VTI1A: variants seen among roughly 807,000 people sequenced by gnomAD.
VTI1A encodes vesicle transport through interaction with t-SNAREs 1A.
A neutral mutation model predicts 34.9 loss-of-function variants in VTI1A; 22 were observed. The ratio of observed to expected loss-of-function variants is 0.63; its 90% confidence interval spans 0.45 to 0.90. The LOEUF (loss-of-function observed/expected upper bound fraction) is 0.90. VTI1A is among the 40% of genes least tolerant of loss of function. The pLI is 0.00. For missense variants in VTI1A, 268 were observed against 275.6 expected (o/e 0.97, Z 0.20); for synonymous variants, 87 against 97.3 (o/e 0.89, Z 0.62).
chr10:112,830,855 T>A, the VTI1A span, among the ~76,000 whole-genome samples: 90 of 51,064 alleles, frequency 1.8e-3, 1 homozygote, highest in East Asian at 6.1e-3. Flanking sequence ...ATATATTTTT[T>A]TTTTTTTTCT....
intron 1 of VTI1A, among the ~76,000 whole-genome samples, chr10:112,454,426 C>G (rs1847353083): frequency 6.6e-6 from 1 of 152,096 alleles, no homozygotes; most frequent in East Asian, 1.9e-4. Flanking sequence ...GAAGCCCCAT[C>G]TCTACAAAAT....
chr10:112,641,163 A>G (rs1846555425), intron 5 of VTI1A, among the ~76,000 whole-genome samples: 1 of 152,030 alleles, frequency 6.6e-6, no homozygotes, highest in Non-Finnish European at 1.5e-5. Context: ...AAAAAGCCCT[A>G]TCTGAGCAGG....
chr10:112,829,344 T>C, the VTI1A span, among the ~76,000 whole-genome samples: 1 of 151,210 alleles, frequency 6.6e-6, no homozygotes, highest in South Asian at 2.1e-4. Flanking sequence ...CTCGGGAGGC[T>C]GAGGCAGGAG....
chr10:112,487,433 A>G (rs1057185433), intron 3 of VTI1A, among the ~76,000 whole-genome samples: 6 of 152,196 alleles, frequency 3.9e-5, no homozygotes, highest in African/African-American at 1.4e-4. Context: ...CTAATCTTGC[A>G]TTTTTGAGAG....
intron 7 of VTI1A, among the ~76,000 whole-genome samples, chr10:112,794,095 T>G (rs1207757015): frequency 6.6e-6 from 1 of 152,182 alleles, no homozygotes; most frequent in African/African-American, 2.4e-5. Flanking sequence ...TACAGTTTTA[T>G]TCAAGGAAAA....
At chr10:112,844,629 C>T in the VTI1A span, among the ~76,000 whole-genome samples, 2 of 152,204 alleles carry the variant, frequency 1.3e-5, no homozygotes, top group Non-Finnish European at 2.9e-5. Context: ...GAACTCCTGA[C>T]CTCAGGTGAT....
chr10:112,573,396 G>GGTAT (rs1340148364), intron 5 of VTI1A, among the ~76,000 whole-genome samples: 2 of 151,768 alleles, frequency 1.3e-5, no homozygotes, highest in Non-Finnish European at 2.9e-5. Context: ...GATAATAGAG[G>GGTAT]GTATGTTTAT....
chr10:112,805,018 G>A (rs1426355301), intron 7 of VTI1A, among the ~76,000 whole-genome samples: 2 of 151,426 alleles, frequency 1.3e-5, no homozygotes, highest in Non-Finnish European at 2.9e-5. Flanking sequence ...GCCCCACCAC[G>A]CCTGGCTATT....
intron 4 of VTI1A, chr10:112,533,459 G>A (rs1850514829): frequency 2.2e-6 from 2 of 924,008 alleles, no homozygotes; most frequent in African/African-American, 1.8e-5. Context: ...TCTGTATCCT[G>A]TCAGACAACT....
intron 7 of VTI1A, among the ~76,000 whole-genome samples, chr10:112,700,900 C>T (rs908168995): frequency 3.3e-5 from 5 of 152,170 alleles, no homozygotes; most frequent in Non-Finnish European, 7.3e-5. Context: ...AATGTGCTAC[C>T]CTGGCTAAAT....
chr10:112,527,190 G>T, intron 4 of VTI1A, 26 bp downstream of exon 4: 2 of 1,609,836 alleles, frequency 1.2e-6, no homozygotes, highest in Non-Finnish European at 1.7e-6. Context: ...GGAAGGCCCG[G>T]TGGGTGGCTG....
intron 5 of VTI1A, among the ~76,000 whole-genome samples, chr10:112,642,573 C>A (rs1470418356): frequency 1.5e-5 from 1 of 67,708 alleles, no homozygotes; most frequent in African/African-American, 4.0e-5. Flanking sequence ...AGTATATCAG[C>A]ACATATATAC....
chr10:112,561,549 A>G (rs1851725751), intron 5 of VTI1A, among the ~76,000 whole-genome samples: 1 of 152,234 alleles, frequency 6.6e-6, no homozygotes, highest in South Asian at 2.1e-4. Context: ...TATAACAAAT[A>G]CTTAAATTCA....
At chr10:112,758,884 G>T (rs1006341668) in intron 7 of VTI1A, among the ~76,000 whole-genome samples, 13 of 152,098 alleles carry the variant, frequency 8.5e-5, no homozygotes, top group South Asian at 2.1e-4. Context: ...TCTTCCTTTC[G>T]AAACCAGCCG....
At chr10:112,744,672 TG>T (rs1850827233) in intron 7 of VTI1A, among the ~76,000 whole-genome samples, 1 of 152,126 alleles carries the variant, frequency 6.6e-6, no homozygotes, top group Non-Finnish European at 1.5e-5. Flanking sequence ...CTCAAACTCC[TG>T]GGTTTAAGCA....
At chr10:112,576,680 G>A (rs1001726486) in intron 5 of VTI1A, among the ~76,000 whole-genome samples, 4 of 152,124 alleles carry the variant, frequency 2.6e-5, no homozygotes, top group Non-Finnish European at 5.9e-5. Context: ...TTCCTAATCA[G>A]ACGAAGATTA....
At chr10:112,481,658 T>G (rs1411447845) in intron 3 of VTI1A, among the ~76,000 whole-genome samples, 1 of 152,234 alleles carries the variant, frequency 6.6e-6, no homozygotes, top group Non-Finnish European at 1.5e-5. Context: ...ACAAGAATTG[T>G]CAAGAAATTG....
At chr10:112,697,399 C>CTTTTTTTTTTTTTTT (rs57723783) in intron 7 of VTI1A, among the ~76,000 whole-genome samples, 4 of 114,020 alleles carry the variant, frequency 3.5e-5, no homozygotes, top group Non-Finnish European at 5.1e-5. Flanking sequence ...CTTTTCTTTT[C>CTTTTTTTTTTTTTTT]TTTTTTTTTT....
intron 3 of VTI1A, among the ~76,000 whole-genome samples, chr10:112,522,278 G>A (rs1223195900): frequency 6.6e-6 from 1 of 152,034 alleles, no homozygotes; most frequent in Non-Finnish European, 1.5e-5. Flanking sequence ...ACATGTAGAA[G>A]CAATGGAAAA....
Sources: gnomAD v4.1 joint callset for allele counts (sites outside exome capture counted in the v4.1 genomes callset) on GRCh38, gnomAD v4.1.1 for gene constraint, MANE v1.5 for transcripts, NCBI Gene and HGNC (gene_info 2026-07-23, HGNC 2026-07-21) for gene names.